The following COG6 variants were observed in gnomAD, a reference collection of about 807,000 sequenced individuals.
COG6 encodes conserved oligomeric Golgi complex subunit 6.
COG6 carries 74 observed loss-of-function variants against 88.8 expected under a neutral mutation model. The ratio of observed to expected loss-of-function variants is 0.83; its 90% CI spans 0.69 to 1.01. The LOEUF is 1.01. Ranked by LOEUF, COG6 falls within the 50% of genes least tolerant of loss-of-function variation. The probability of loss-of-function intolerance (pLI) is 0.00; values close to 1 mark genes in which losing one functional copy is unlikely to be tolerated. For synonymous variants in COG6, 286 were observed against 278.7 expected (o/e 1.03, Z -0.26); for missense variants, 800 against 797.9 (o/e 1.00, Z -0.03).
intron 8 of COG6, among the ~76,000 whole-genome samples, chr13:39,683,183 G>A (rs1876419251): frequency 6.6e-6 from 1 of 152,120 alleles, no homozygotes; most frequent in Non-Finnish European, 1.5e-5. Flanking sequence ...GTAAAGCACT[G>A]CCCTCAAACT....
intron 11 of COG6, among the ~76,000 whole-genome samples, chr13:39,690,769 C>G (rs1200300490): frequency 1.3e-5 from 2 of 151,836 alleles, no homozygotes; most frequent in Non-Finnish European, 2.9e-5. Flanking sequence ...CTAACTTGAT[C>G]TCATAGGACC....
intron 11 of COG6, among the ~76,000 whole-genome samples, chr13:39,692,488 A>G (rs995405108): frequency 1.3e-5 from 2 of 152,078 alleles, no homozygotes; most frequent in African/African-American, 2.4e-5. Flanking sequence ...AATATTGTAC[A>G]CAATATAGTC....
At chr13:39,758,286 A>T (rs1880910168) in intron 18 of COG6, among the ~76,000 whole-genome samples, 1 of 151,492 alleles carries the variant, frequency 6.6e-6, no homozygotes, top group Non-Finnish European at 1.5e-5. Flanking sequence ...TCCCAGCACT[A>T]GGTGAGAAGA....
chr13:39,697,067 A>G (rs916276298), intron 12 of COG6, among the ~76,000 whole-genome samples: 1 of 150,526 alleles, frequency 6.6e-6, no homozygotes, highest in Non-Finnish European at 1.5e-5. Flanking sequence ...CTGGAAAGGA[A>G]CTGGTTGATG....
intron 12 of COG6, among the ~76,000 whole-genome samples, chr13:39,698,423 T>A (rs1380456207): frequency 6.6e-6 from 1 of 152,004 alleles, no homozygotes; most frequent in Admixed American, 6.6e-5. Context: ...GTATTATGGC[T>A]ACTGGTTTAG....
In COG6 at chr13:39,687,347, T is replaced by C. The variant is rs76411989; in HGVS notation, c.789-156T>C. 0.071 allele frequency among the ~76,000 whole-genome samples: 10,728 copies of C among 152,168 alleles called. 567 individuals carry two copies. The highest frequency in any genetic ancestry group is 0.13 in the Middle Eastern group (39 of 294). ...ATGAGCTGAAGTTATCTCTTAAATA[T>C]TTTTTTCTTGTTTGAAAGCAATGTT... On this transcript the variant is annotated intron_variant, in intron 8 of 18. Transcript: ENST00000455146.
In COG6 at chr13:39,751,021, A is replaced by C. The variant is rs766700004; in HGVS notation, c.1902A>C (p.Pro634=). 5 of 1,613,732 alleles carry C rather than the reference A, an allele frequency of 3.1e-6. No individual in the cohort carries two copies. Residue 634 remains proline (P), a synonymous_variant, in exon 19 of 19, where the codon CCA becomes CCC. Coordinates refer to ENST00000455146, the MANE Select transcript of COG6 (RefSeq NM_020751.3). ...AAGTGTATGCAGCCGTGATGAATCC[A>C]ATCAATGAATACAAAGATCCAGAGA... The part of the protein sequence containing the change: ...YGEVYAAVMN[P]INEYKDPENI...
intron 4 of COG6, among the ~76,000 whole-genome samples, chr13:39,665,949 C>G (rs1226911667): frequency 6.6e-6 from 1 of 152,328 alleles, no homozygotes; most frequent in East Asian, 1.9e-4. Flanking sequence ...TTTGTAAATG[C>G]AGCTTTATTG....
chr13:39,744,815 C>A (rs928970395), intron 18 of COG6, among the ~76,000 whole-genome samples: 1 of 152,170 alleles, frequency 6.6e-6, no homozygotes, highest in African/African-American at 2.4e-5. Context: ...GCCAAAAGAA[C>A]AAAGCTGGAG....
chr13:39,785,863 G>A (rs1384076516), intron 18 of COG6, among the ~76,000 whole-genome samples: 2 of 152,140 alleles, frequency 1.3e-5, no homozygotes, highest in South Asian at 2.1e-4. Flanking sequence ...TAGGGGTTAA[G>A]AGTACTTGGA....
intron 18 of COG6, among the ~76,000 whole-genome samples, chr13:39,780,435 C>G (rs1225114936): frequency 2.0e-5 from 3 of 152,234 alleles, no homozygotes; most frequent in Middle Eastern, 6.8e-3. Flanking sequence ...CCCTTCTATT[C>G]AAAGACAATG....
chr13:39,737,425 C>T (rs1019450850), intron 18 of COG6, among the ~76,000 whole-genome samples: 3 of 151,588 alleles, frequency 2.0e-5, no homozygotes, highest in African/African-American at 7.3e-5. Flanking sequence ...CCCTTGTCTC[C>T]GAGTGGGTCC....
chr13:39,722,511 A>G (rs1050977582), intron 15 of COG6, among the ~76,000 whole-genome samples: 1 of 151,762 alleles, frequency 6.6e-6, no homozygotes, highest in African/African-American at 2.4e-5. Flanking sequence ...AACAGATACC[A>G]TAGTTGACAG....
chr13:39,668,975 C>T (rs1875453071), intron 4 of COG6, among the ~76,000 whole-genome samples: 3 of 152,042 alleles, frequency 2.0e-5, no homozygotes, highest in Admixed American at 1.3e-4. Context: ...TATTTTTATA[C>T]ATTTTATCAT....
chr13:39,679,463 G>A (rs1876176174), intron 5 of COG6, 75 bp from the exon 6 acceptor site: 1 of 827,338 alleles, frequency 1.2e-6, no homozygotes, highest in Non-Finnish European at 2.1e-6. Flanking sequence ...TTTGCCCTTG[G>A]TAGTGACCTT....
At chr13:39,733,137 G>T (rs1401380632) in intron 18 of COG6, among the ~76,000 whole-genome samples, 2 of 150,924 alleles carry the variant, frequency 1.3e-5, no homozygotes, top group East Asian at 3.9e-4. Context: ...AGTAGAGAAG[G>T]TTTATCCCCA....
intron 8 of COG6, among the ~76,000 whole-genome samples, chr13:39,684,141 A>G (rs1876484150): frequency 6.6e-6 from 1 of 152,044 alleles, no homozygotes; most frequent in Non-Finnish European, 1.5e-5. Context: ...GCAATCTGGG[A>G]AAAAGCTTGA....
At chr13:39,711,275 A>G (rs2138059225) in intron 13 of COG6, among the ~76,000 whole-genome samples, 1 of 152,332 alleles carries the variant, frequency 6.6e-6, no homozygotes, top group East Asian at 1.9e-4. Flanking sequence ...TGGGGCCATT[A>G]GTGCTCATAG....
intron 1 of COG6, among the ~76,000 whole-genome samples, chr13:39,658,065 T>A (rs1260707095): frequency 2.2e-5 from 1 of 45,296 alleles, no homozygotes; most frequent in Admixed American, 4.0e-4. Context: ...TCTTGTCACT[T>A]TTTTTTTTTT....
Sources: gnomAD v4.1 joint callset for allele counts (sites outside exome capture counted in the v4.1 genomes callset) on GRCh38, gnomAD v4.1.1 for gene constraint, MANE v1.5 for transcripts, NCBI Gene and HGNC (gene_info 2026-07-23, HGNC 2026-07-21) for gene names.